Variants in SPATA16 observed in about 807,000 individuals in gnomAD.
SPATA16 encodes the protein spermatogenesis-associated protein 16.
SPATA16 carries 36 observed loss-of-function variants against 63.3 expected under a neutral mutation model. The observed-to-expected ratio is 0.57, with a 90% CI of 0.44 to 0.75. SPATA16 has a LOEUF of 0.75. Among genes scored for constraint, SPATA16 ranks in the 30% least tolerant of loss-of-function variants. The probability of loss-of-function intolerance (pLI) is 0.00; values close to 1 mark genes in which losing one functional copy is unlikely to be tolerated. For missense variants in SPATA16, 646 were observed against 679.3 expected (o/e 0.95, Z 0.54); for synonymous variants, 203 against 216.7 (o/e 0.94, Z 0.56).
Position 173,071,203 on chromosome 3 carries a change from A to G in SPATA16, c.613-22109T>C, listed in dbSNP as rs867958140. On this transcript the variant is annotated intron_variant, in intron 2 of 10. Transcript: ENST00000351008. ...TTTAGACAAAGTGCCAAGAACATAC[A>G]TTGGGTAAAGGATGGTCTCTTCAAT... 2.0e-5 allele frequency among the ~76,000 whole-genome samples: 3 copies of G among 152,218 alleles called. No individual in the cohort carries two copies. The South Asian group carries it at 6.2e-4, about 32-fold the overall frequency.
At chr3:173,035,006 C>T (rs1028982218) in intron 3 of SPATA16, among the ~76,000 whole-genome samples, 3 of 152,072 alleles carry the variant, frequency 2.0e-5, no homozygotes, top group African/African-American at 7.2e-5. Context: ...TGACTTGCAC[C>T]AAATAGAGTG....
intron 2 of SPATA16, among the ~76,000 whole-genome samples, chr3:173,089,703 G>A (rs1285426279): frequency 6.6e-6 from 1 of 152,138 alleles, no homozygotes; most frequent in Non-Finnish European, 1.5e-5. Flanking sequence ...ACCTTGTTGA[G>A]ATGTGGAGTG....
chr3:173,075,351 A>G (rs2108309898), intron 2 of SPATA16, among the ~76,000 whole-genome samples: 1 of 152,324 alleles, frequency 6.6e-6, no homozygotes, highest in South Asian at 2.1e-4. Flanking sequence ...TAGTAAAATC[A>G]CTATGAAGAA....
intron 2 of SPATA16, among the ~76,000 whole-genome samples, chr3:173,101,325 CTG>C (rs1417010922): frequency 1.3e-5 from 2 of 152,178 alleles, no homozygotes; most frequent in African/African-American, 4.8e-5. Context: ...CTGCTGCTCA[CTG>C]TCATGTACAG....
intron 3 of SPATA16, among the ~76,000 whole-genome samples, chr3:173,030,092 A>G (rs1457341349): frequency 2.7e-5 from 4 of 149,104 alleles, no homozygotes; most frequent in Non-Finnish European, 5.9e-5. Context: ...CTATCTATCT[A>G]TCTATCTATC....
At chr3:173,130,260 T>A (rs558570211) in intron 1 of SPATA16, among the ~76,000 whole-genome samples, 3 of 145,776 alleles carry the variant, frequency 2.1e-5, no homozygotes, top group South Asian at 4.3e-4. Flanking sequence ...CTTGGGAGGC[T>A]GAGGCAGGAG....
intron 5 of SPATA16, among the ~76,000 whole-genome samples, chr3:172,970,832 A>G (rs1734031927): frequency 6.6e-6 from 1 of 152,308 alleles, no homozygotes; most frequent in South Asian, 2.1e-4. Context: ...AAGATAAAAA[A>G]TATTTTTCAG....
intron 2 of SPATA16, among the ~76,000 whole-genome samples, chr3:173,078,531 G>T (rs1736855895): frequency 6.6e-6 from 1 of 152,138 alleles, no homozygotes. Context: ...TTTGATTTTA[G>T]TTGCTGCCAC....
intron 4 of SPATA16, among the ~76,000 whole-genome samples, chr3:172,985,767 G>A (rs904706058): frequency 6.6e-6 from 1 of 152,104 alleles, no homozygotes; most frequent in Non-Finnish European, 1.5e-5. Context: ...TGAAAGTAGA[G>A]GTATTAATGC....
At chr3:173,062,073 G>C (rs1577154713) in intron 2 of SPATA16, among the ~76,000 whole-genome samples, 1 of 129,414 alleles carries the variant, frequency 7.7e-6, no homozygotes, top group South Asian at 2.3e-4. Context: ...TTTTTGCCAG[G>C]TAGCCTTAAA....
intron 4 of SPATA16, among the ~76,000 whole-genome samples, chr3:173,005,093 C>T (rs1233575827): frequency 2.0e-5 from 3 of 152,004 alleles, no homozygotes; most frequent in Non-Finnish European, 4.4e-5. Flanking sequence ...GAGGCTGAGG[C>T]GGGTGGATCA....
At chr3:172,992,580 A>T (rs1325761395) in intron 4 of SPATA16, among the ~76,000 whole-genome samples, 1 of 152,066 alleles carries the variant, frequency 6.6e-6, no homozygotes, top group African/African-American at 2.4e-5. Context: ...AAATACAAGA[A>T]AAAAATATTC....
chr3:173,064,683 A>G (rs915808836), intron 2 of SPATA16, among the ~76,000 whole-genome samples: 2 of 152,166 alleles, frequency 1.3e-5, no homozygotes, highest in Non-Finnish European at 2.9e-5. Flanking sequence ...TGTTCTTCTC[A>G]TGGAAAATGC....
intron 8 of SPATA16, among the ~76,000 whole-genome samples, chr3:172,917,484 C>T (rs369086343): frequency 6.6e-6 from 1 of 152,140 alleles, no homozygotes; most frequent in Non-Finnish European, 1.5e-5. Flanking sequence ...AGAGCAGGGG[C>T]CCCCTGGACT....
chr3:172,969,403 T>C (rs899755959), intron 5 of SPATA16, among the ~76,000 whole-genome samples: 1 of 152,150 alleles, frequency 6.6e-6, no homozygotes, highest in Non-Finnish European at 1.5e-5. Context: ...AGATAAACTC[T>C]ATGGTGGGCT....
chr3:173,024,738 G>A (rs995619688), intron 3 of SPATA16, among the ~76,000 whole-genome samples: 1 of 150,344 alleles, frequency 6.7e-6, no homozygotes, highest in Admixed American at 6.6e-5. Flanking sequence ...CTGATATTAG[G>A]TTTAGCTATT....
intron 8 of SPATA16, 110 bp downstream of exon 8, chr3:172,924,098 C>T (rs1057429124): frequency 3.8e-5 from 33 of 879,466 alleles, no homozygotes; most frequent in South Asian, 1.5e-4. Context: ...TTACTATGAA[C>T]GTTTCCAAAA....
intron 10 of SPATA16, among the ~76,000 whole-genome samples, chr3:172,913,351 G>A (rs1732411822): frequency 6.6e-6 from 1 of 152,186 alleles, no homozygotes; most frequent in Non-Finnish European, 1.5e-5. Flanking sequence ...ACTGATGAAA[G>A]GGCTTTAAAG....
At chr3:172,933,423 T>C (rs1577094942) in intron 6 of SPATA16, among the ~76,000 whole-genome samples, 1 of 152,158 alleles carries the variant, frequency 6.6e-6, no homozygotes, top group South Asian at 2.1e-4. Context: ...ATGATGCAGT[T>C]TGGGCCAATG....
Sources: allele counts gnomAD v4.1 joint callset (sites outside exome capture counted in the v4.1 genomes callset), GRCh38; gene constraint gnomAD v4.1.1; transcripts MANE v1.5; gene names NCBI Gene and HGNC (gene_info 2026-07-23, HGNC 2026-07-21).